The following CASQ1 variants were observed in gnomAD, a reference collection of about 807,000 sequenced individuals.
The protein encoded by CASQ1 is calsequestrin-1.
A neutral mutation model predicts 49.5 loss-of-function variants in CASQ1; 40 were observed. That is an observed-to-expected ratio of 0.81 (90% confidence interval 0.63 to 1.05). The LOEUF is 1.05. CASQ1 is among the 50% of genes least tolerant of loss of function. CASQ1 has a pLI of 0.00. For synonymous variants in CASQ1, 174 were observed against 187.2 expected (o/e 0.93, Z 0.58); for missense variants, 469 against 486.9 (o/e 0.96, Z 0.35).
At position 160,198,713 on chromosome 1, in the gene CASQ1, G is replaced by A. The variant is rs1207492312; in HGVS notation, c.865G>A (p.Ala289Thr). The change falls in exon 8 of 11, where the codon GCA (alanine) becomes ACA (threonine). Residue 289 changes from alanine (A) to threonine (T), a missense_variant. Physicochemically the swap from Ala to Thr is moderately conservative, Grantham distance 58. Transcript: ENST00000368078. ...GGATGGAATCCACATTGTGGCCTTC[G>A]CAGAGGAAGCTGATCCTGGTGAGGG... ...DMDGIHIVAFAEEADPDGFEF... is the reference protein window; with the variant it reads ...DMDGIHIVAFTEEADPDGFEF... 3.7e-6 allele frequency: 6 copies of A among 1,613,598 alleles called. No individual in the cohort carries two copies. Among genetic ancestry groups the A allele is most frequent in the African/African-American group, 1.3e-5 (1 of 74,876 alleles).
At chr1:160,193,634 T>G in intron 2 of CASQ1, 113 bp from the exon 3 acceptor site, 1 of 646,116 alleles carries the variant, frequency 1.5e-6, no homozygotes, top group Non-Finnish European at 2.7e-6. Context: ...GTGGAGCATG[T>G]GGGGCCCCGG....
intron 3 of CASQ1, among the ~76,000 whole-genome samples, chr1:160,194,742 C>T (rs1008587409): frequency 6.6e-6 from 1 of 150,902 alleles, no homozygotes; most frequent in Non-Finnish European, 1.5e-5. Context: ...CACACTCATA[C>T]CATCCACACA....
chr1:160,190,861 G>C lies in CASQ1; in HGVS notation c.110G>C (p.Gly37Ala). The C allele has an allele frequency of 6.2e-7, 1 of 1,614,194 alleles. No homozygotes were observed. The highest frequency in any genetic ancestry group is 8.5e-7 in the Non-Finnish European group (1 of 1,180,030). ...TPKSGVQGQE[G>A]LDFPEYDGVD... Reference sequence around the variant, plus strand: ...AAGTCAGGGGTACAGGGGCAGGAAGGGCTGGACTTCCCTGAGTACGATGGT... The same window carrying C: ...AAGTCAGGGGTACAGGGGCAGGAAGCGCTGGACTTCCCTGAGTACGATGGT... The change falls in exon 1 of 11, where the codon GGG becomes GCG. Residue 37 changes from glycine (G) to alanine (A), a missense_variant. Transcript: ENST00000368078.
rs1375202065 is a variant in CASQ1, at chr1:160,196,006, A to G, written c.761A>G (p.Asn254Ser). 1.9e-6 allele frequency: 3 copies of G among 1,613,910 alleles called. No homozygotes were observed. Among genetic ancestry groups the G allele is most frequent in the South Asian group, 1.1e-5 (1 of 91,064 alleles). ...CCCAATAGCGAAGAGGAGATTGTCA[A>G]CTTCGTGGAGGAGCACAGGAGGTGG... is the stretch of plus-strand genomic sequence containing the variant. ...DKPNSEEEIV[N>S]FVEEHRRSTL... is the part of the protein sequence containing the mutation. The change falls in exon 6 of 11, where the codon AAC (asparagine) becomes AGC (serine). Residue 254 changes from asparagine (N) to serine (S), a missense_variant. Physicochemically the swap from Asn to Ser is conservative, Grantham distance 46. Coordinates refer to ENST00000368078, the MANE Select transcript of CASQ1 (RefSeq NM_001231.5).
At chr1:160,198,502 T>TCAAAA (rs1485653095) in intron 7 of CASQ1, among the ~76,000 whole-genome samples, 175 bp from the exon 8 acceptor site, 1 of 151,738 alleles carries the variant, frequency 6.6e-6, no homozygotes, top group Non-Finnish European at 1.5e-5. Context: ...AAACTCTGTC[T>TCAAAA]CAAAAACAAA....
intron 10 of CASQ1, among the ~76,000 whole-genome samples, chr1:160,200,441 A>T (rs922800847): frequency 8.2e-6 from 1 of 122,226 alleles, no homozygotes; most frequent in African/African-American, 3.2e-5. Flanking sequence ...GATAAACTTT[A>T]TAATAACGAT....
At chr1:160,200,845 G>T (rs1654354084) in intron 10 of CASQ1, among the ~76,000 whole-genome samples, 1 of 152,150 alleles carries the variant, frequency 6.6e-6, no homozygotes, top group Non-Finnish European at 1.5e-5. Context: ...CTGCGCTTCA[G>T]CCCGGGCAAT....
rs1397601281 is a variant in CASQ1 at position 160,201,259 on chromosome 1, G to T, written c.1074G>T (p.Trp358Cys). The change falls in exon 11 of 11, where the codon TGG (tryptophan) becomes TGT (cysteine). Residue 358 changes from tryptophan to cysteine, a missense_variant. Transcript: ENST00000368078. Reference protein sequence around the residue: ...VVNVTDADSVWMEMDDEEDLP... With the variant: ...VVNVTDADSVCMEMDDEEDLP... ...CCATCTCCTAGGCGGATAGCGTATG[G>T]ATGGAAATGGACGATGAGGAGGACC... 2 of 1,613,360 alleles carry T rather than the reference G, an allele frequency of 1.2e-6. No individual in the cohort carries two copies. Among genetic ancestry groups the T allele is most frequent in the Non-Finnish European group, 8.5e-7 (1 of 1,179,716 alleles).
At position 160,201,785 on chromosome 1, in the gene CASQ1, G is replaced by A. The variant is rs1289980060; in HGVS notation, c.*409G>A. On this transcript the variant is annotated 3_prime_UTR_variant, in exon 11 of 11. Transcript: ENST00000368078. The stretch of plus-strand genomic sequence containing the variant: ...CTGACTGTCCTGTCCTTGGCCAGAA[G>A]GAAGGGAGAATACTGTGTTTGGGAC... 1 of 203,094 alleles carries A rather than the reference G, an allele frequency of 4.9e-6. No individual in the cohort carries two copies. The highest frequency in any genetic ancestry group is 5.2e-5 in the Admixed American group (1 of 19,146). 12.6% of individuals were successfully genotyped at this position (203,094 alleles called of 1,614,324 possible). A position where few individuals can be genotyped will look rare whatever the true frequency, so the allele number is the denominator to read the frequency against.
chr1:160,201,446 C>T lies in CASQ1; in HGVS notation c.*70C>T. ...CTCTCCTGCCTTCCCTTGTCCTTCC[C>T]TGAGTTCCTCCAGGGAGACTAGGTT... On this transcript the variant is annotated 3_prime_UTR_variant, in exon 11 of 11. Coordinates refer to ENST00000368078, the MANE Select transcript of CASQ1 (RefSeq NM_001231.5). The T allele has an allele frequency of 7.1e-6, 11 of 1,548,238 alleles. No homozygotes were observed. The highest frequency in any genetic ancestry group is 9.7e-6 in the Non-Finnish European group (11 of 1,130,318).
In CASQ1 at chr1:160,200,160, T is replaced by C. The variant is rs570584194; in HGVS notation, c.1059+235T>C. ...CAAATTCTTTCTCCTCTGTGAAGTC[T>C]TTCCAGATCTCCCATTTAAAATCAT... On this transcript the variant is annotated intron_variant, in intron 10 of 10. Coordinates refer to ENST00000368078, the MANE Select transcript of CASQ1 (RefSeq NM_001231.5). Among the ~76,000 whole-genome samples the C allele has an allele frequency of 2.6e-5, 4 of 152,370 alleles. No individual in the cohort carries two copies. In the East Asian group the frequency reaches 7.7e-4, roughly 29 times the overall value.
intron 9 of CASQ1, 104 bp downstream of exon 9, chr1:160,199,157 C>T: frequency 6.5e-6 from 5 of 774,564 alleles, no homozygotes; most frequent in Non-Finnish European, 1.1e-5. Context: ...CACCTCCTAG[C>T]TGGGGGGCCC....
At chr1:160,195,659 C>T (rs553866530) in intron 5 of CASQ1, 125 bp downstream of exon 5, 9 of 825,674 alleles carry the variant, frequency 1.1e-5, no homozygotes, top group African/African-American at 5.1e-5. Context: ...CCTGCCCCCC[C>T]CCCCGGCTCC....
At position 160,201,093 on chromosome 1, in the gene CASQ1, T is replaced by G. The variant is rs1654360431; in HGVS notation, c.1060-152T>G. On this transcript the variant is annotated intron_variant, in intron 10 of 10. Coordinates refer to ENST00000368078, the MANE Select transcript of CASQ1 (RefSeq NM_001231.5). ...TGTCACTATTCTAACCCATAACCCA[T>G]ACCTTCACCTGGACAGTTTCCCTGG... 3 of 710,468 alleles carry G rather than the reference T, an allele frequency of 4.2e-6. No homozygotes were observed. In the Admixed American group the frequency reaches 7.8e-5, roughly 19 times the overall value. The allele number at this position is 710,468 out of a possible 1,614,324, so 44.0% of individuals were successfully genotyped here.
intron 4 of CASQ1, 72 bp from the exon 5 acceptor site, chr1:160,195,389 G>T: frequency 7.2e-7 from 1 of 1,395,002 alleles, no homozygotes; most frequent in Non-Finnish European, 1.0e-6. Flanking sequence ...AAGAATTGGG[G>T]ACGATAGTGG....
At chr1:160,191,937 C>T (rs73025591) in intron 1 of CASQ1, among the ~76,000 whole-genome samples, 9,758 of 152,192 alleles carry the variant, frequency 0.064, 954 homozygotes, top group African/African-American at 0.2. Context: ...AACCTGCCAT[C>T]TGATTAATGA....
At chr1:160,193,598 G>A in intron 2 of CASQ1, 149 bp from the exon 3 acceptor site, 1 of 573,968 alleles carries the variant, frequency 1.7e-6, no homozygotes, top group Admixed American at 3.4e-5. Flanking sequence ...GGTCAGAGGA[G>A]GTGGGTGGGG....
At chr1:160,195,394 T>G in intron 4 of CASQ1, 67 bp from the exon 5 acceptor site, 1 of 1,425,490 alleles carries the variant, frequency 7.0e-7, no homozygotes, top group Non-Finnish European at 9.9e-7. Flanking sequence ...TTGGGGACGA[T>G]AGTGGGGGAT....
Position 160,201,337 on chromosome 1 carries a change from G to T in CASQ1, c.1152G>T (p.Glu384Asp). The change falls in exon 11 of 11, where the codon GAG (glutamate) becomes GAT (aspartate). Residue 384 changes from glutamate to aspartate, a missense_variant. Coordinates refer to ENST00000368078, the MANE Select transcript of CASQ1 (RefSeq NM_001231.5). Reference sequence around the variant, plus strand: ...GGCTGGAGGATGTCCTGGAGGGCGAGATCAACACAGAGGACGATGACGATG... The same window carrying T: ...GGCTGGAGGATGTCCTGGAGGGCGATATCAACACAGAGGACGATGACGATG... ...EDWLEDVLEG[E>D]INTEDDDDDD... The T allele has an allele frequency of 6.2e-7, 1 of 1,614,018 alleles. No homozygotes were observed. The highest frequency in any genetic ancestry group is 8.5e-7 in the Non-Finnish European group (1 of 1,179,922).
Sources: gnomAD v4.1 joint callset for allele counts (sites outside exome capture counted in the v4.1 genomes callset) on GRCh38, gnomAD v4.1.1 for gene constraint, MANE v1.5 for transcripts, NCBI Gene and HGNC (gene_info 2026-07-23, HGNC 2026-07-21) for gene names.